The following GLCCI1 variants were observed in gnomAD, a reference collection of about 807,000 sequenced individuals.
GLCCI1 encodes glucocorticoid induced 1, also known as glucocorticoid-induced transcript 1 protein.
GLCCI1 carries 24 observed loss-of-function variants against 52.2 expected under a neutral mutation model. The ratio of observed to expected loss-of-function variants is 0.46; its 90% CI spans 0.33 to 0.65. The LOEUF (loss-of-function observed/expected upper bound fraction) is 0.65. GLCCI1 is among the 30% of genes least tolerant of loss of function. GLCCI1 has a pLI of 0.02. For missense variants in GLCCI1, 704 were observed against 701.5 expected, an observed-to-expected ratio of 1.00 and a Z score of -0.04; for synonymous variants, 310 against 276.5, an observed-to-expected ratio of 1.12 and a Z score of -1.20.
intron 6 of GLCCI1, among the ~76,000 whole-genome samples, chr7:8,082,342 G>T (rs981674701): frequency 2.6e-5 from 4 of 152,084 alleles, no homozygotes; most frequent in African/African-American, 9.7e-5. Context: ...GAATTTTAGA[G>T]TTCATGAATG....
intron 3 of GLCCI1, among the ~76,000 whole-genome samples, chr7:8,052,915 G>T (rs956219739): frequency 2.0e-5 from 3 of 152,128 alleles, no homozygotes; most frequent in Non-Finnish European, 4.4e-5. Flanking sequence ...TGGTGGAATA[G>T]AATTCATTCT....
At chr7:8,004,266 A>T in intron 2 of GLCCI1, 1 of 495,822 alleles carries the variant, frequency 2.0e-6, no homozygotes, top group Non-Finnish European at 3.6e-6. Flanking sequence ...TTTAATACTT[A>T]AATAGCACAT....
chr7:8,046,852 T>TA (rs1195754366), intron 3 of GLCCI1, among the ~76,000 whole-genome samples: 1 of 152,210 alleles, frequency 6.6e-6, no homozygotes, highest in Admixed American at 6.5e-5. Flanking sequence ...TGACTTTTTT[T>TA]GTTGACAGAG....
chr7:8,021,779 G>A (rs1482429185), intron 2 of GLCCI1, among the ~76,000 whole-genome samples: 1 of 152,116 alleles, frequency 6.6e-6, no homozygotes, highest in Non-Finnish European at 1.5e-5. Context: ...AGTGATTTGT[G>A]TTACATTTGA....
intron 1 of GLCCI1, chr7:7,982,053 A>G (rs1583943842): frequency 4.3e-6 from 2 of 468,570 alleles, no homozygotes; most frequent in East Asian, 1.2e-4. Flanking sequence ...TGAAAGAGTA[A>G]AAAGAGAGAC....
Position 8,068,038 on chromosome 7 carries a change from CATTCTTTTTT to C in GLCCI1, c.967-2873_967-2864del, listed in dbSNP as rs1170229895. Among the ~76,000 whole-genome samples the C allele has an allele frequency of 7.9e-5, 12 of 152,184 alleles. No homozygotes were observed. In the South Asian group the frequency reaches 1.7e-3, roughly 21 times the overall value. On this transcript the variant is annotated intron_variant, in intron 5 of 7. Coordinates refer to ENST00000223145, the MANE Select transcript of GLCCI1 (RefSeq NM_138426.4). ...CATAGTATTTCTCAGAGGCTTTGTTCATTCTTTTTTATTCTTTTTAAAAAAAATTTTGGCT... is the reference window on the plus strand; with the variant it reads ...CATAGTATTTCTCAGAGGCTTTGTTCATTCTTTTTAAAAAAAATTTTGGCT...
intron 3 of GLCCI1, among the ~76,000 whole-genome samples, chr7:8,029,325 A>T (rs1781695920): frequency 6.6e-6 from 1 of 152,190 alleles, no homozygotes; most frequent in Non-Finnish European, 1.5e-5. Flanking sequence ...GATGCATCAT[A>T]TCAACAAAAT....
At chr7:8,000,303 C>T (rs1387858702) in intron 1 of GLCCI1, among the ~76,000 whole-genome samples, 1 of 151,878 alleles carries the variant, frequency 6.6e-6, no homozygotes, top group Non-Finnish European at 1.5e-5. Context: ...GCCTTTATAA[C>T]CAGGAAAAAT....
At chr7:8,008,287 C>CTTT (rs371599508) in intron 2 of GLCCI1, among the ~76,000 whole-genome samples, 1 of 139,902 alleles carries the variant, frequency 7.1e-6, no homozygotes, top group African/African-American at 2.6e-5. Flanking sequence ...TGTTGTATAT[C>CTTT]TTTTTTTTTT....
chr7:8,028,398 A>C (rs1303460429), intron 3 of GLCCI1, among the ~76,000 whole-genome samples: 1 of 152,170 alleles, frequency 6.6e-6, no homozygotes, highest in African/African-American at 2.4e-5. Context: ...GAAATTGAAA[A>C]ACTTCTTGAA....
chr7:7,978,740 A>G (rs758499693), intron 1 of GLCCI1, among the ~76,000 whole-genome samples: 16 of 152,170 alleles, frequency 1.1e-4, no homozygotes, highest in Non-Finnish European at 1.9e-4. Flanking sequence ...TGTACATTGA[A>G]TTAGTGAAGT....
chr7:8,069,511 G>C (rs1304299411), intron 5 of GLCCI1, among the ~76,000 whole-genome samples: 9 of 152,156 alleles, frequency 5.9e-5, no homozygotes, highest in African/African-American at 1.7e-4. Context: ...CAGCCAGGGG[G>C]TGGGGCAGCT....
chr7:8,038,527 G>T lies in GLCCI1; in HGVS notation c.696+15958G>T, dbSNP rs142460711. 5.4e-3 allele frequency among the ~76,000 whole-genome samples: 818 copies of T among 152,240 alleles called. 9 individuals are homozygous for T. Among genetic ancestry groups the T allele is most frequent in the Middle Eastern group, 0.017 (5 of 294 alleles). On this transcript the variant is annotated intron_variant, in intron 3 of 7. Transcript: ENST00000223145. ...GGAAAGTACACTCTTTTGAATAAATGGTCCTGGGAAAATTGTGTAGCCATA... is the reference window on the plus strand; with the variant it reads ...GGAAAGTACACTCTTTTGAATAAATTGTCCTGGGAAAATTGTGTAGCCATA...
At chr7:8,076,178 T>C (rs1020320365) in intron 6 of GLCCI1, among the ~76,000 whole-genome samples, 1 of 152,182 alleles carries the variant, frequency 6.6e-6, no homozygotes, top group South Asian at 2.1e-4. Context: ...TTTAGATAAA[T>C]CAGCCAAGAT....
chr7:8,039,996 CAAAAA>C, intron 3 of GLCCI1, among the ~76,000 whole-genome samples: 1 of 116,986 alleles, frequency 8.5e-6, no homozygotes. Flanking sequence ...GACTCTGTCT[CAAAAA>C]AAAAAAAAAA....
intron 1 of GLCCI1, among the ~76,000 whole-genome samples, chr7:7,978,113 C>A (rs191535590): frequency 3.3e-3 from 499 of 152,330 alleles, no homozygotes; most frequent in Non-Finnish European, 6.0e-3. Flanking sequence ...ATTATGCCAT[C>A]ATTGGGCCTT....
chr7:8,069,872 T>C (rs1207537082), intron 5 of GLCCI1, among the ~76,000 whole-genome samples: 1 of 152,194 alleles, frequency 6.6e-6, no homozygotes, highest in African/African-American at 2.4e-5. Flanking sequence ...CAATAAATAG[T>C]GAAAATAAAT....
At chr7:8,024,636 C>G (rs1238383371) in intron 3 of GLCCI1, 1 of 152,156 alleles carries the variant, frequency 6.6e-6, no homozygotes, top group Non-Finnish European at 1.5e-5. Context: ...TTAACTATAA[C>G]TGGATTTCAG....
intron 1 of GLCCI1, among the ~76,000 whole-genome samples, chr7:8,001,408 C>T (rs1230512989): frequency 1.3e-5 from 2 of 152,166 alleles, no homozygotes; most frequent in Non-Finnish European, 2.9e-5. Context: ...CAATGAGATA[C>T]TATCTCACAC....
Sources: gnomAD v4.1 joint callset for allele counts (sites outside exome capture counted in the v4.1 genomes callset) on GRCh38, gnomAD v4.1.1 for gene constraint, MANE v1.5 for transcripts, NCBI Gene and HGNC (gene_info 2026-07-23, HGNC 2026-07-21) for gene names.